The following SMPD3 variants were observed in gnomAD, a reference collection of about 807,000 sequenced individuals.
SMPD3 encodes the protein sphingomyelin phosphodiesterase 3, also known as nSMase-2.
A neutral mutation model predicts 55.7 loss-of-function variants in SMPD3; 21 were observed. The ratio of observed to expected loss-of-function variants is 0.38; its 90% CI spans 0.27 to 0.54. The LOEUF is 0.54. Among genes scored for constraint, SMPD3 ranks in the 20% least tolerant of loss-of-function variants. SMPD3 has a pLI of 0.80. For synonymous variants in SMPD3, 457 were observed against 404.3 expected (o/e 1.13, Z -1.56); for missense variants, 842 against 899.6 (o/e 0.94, Z 0.82).
chr16:68,386,179 A>G (rs1436427920), intron 2 of SMPD3, among the ~76,000 whole-genome samples: 4 of 151,206 alleles, frequency 2.6e-5, no homozygotes, highest in Non-Finnish European at 5.9e-5. Context: ...CTGAGATTGC[A>G]CCACTGCACT....
chr16:68,397,284 G>C (rs1345971911), intron 1 of SMPD3, among the ~76,000 whole-genome samples: 2 of 152,206 alleles, frequency 1.3e-5, no homozygotes, highest in Non-Finnish European at 2.9e-5. Flanking sequence ...TGTCCCAGAG[G>C]GATTCAAGGT....
At chr16:68,382,975 T>C (rs1310217974) in intron 2 of SMPD3, among the ~76,000 whole-genome samples, 1 of 152,108 alleles carries the variant, frequency 6.6e-6, no homozygotes, top group Non-Finnish European at 1.5e-5. Flanking sequence ...CTCCCGAGTA[T>C]CTGGGATTAC....
chr16:68,403,170 A>T (rs2090226157), intron 1 of SMPD3, among the ~76,000 whole-genome samples: 1 of 152,252 alleles, frequency 6.6e-6, no homozygotes, highest in Admixed American at 6.5e-5. Flanking sequence ...ACCATCCCGT[A>T]CAAATAATGC....
At position 68,417,052 on chromosome 16, in the gene SMPD3, T is replaced by A. The variant is rs549964481; in HGVS notation, c.-268-30393A>T. Among the ~76,000 whole-genome samples, 9 of 152,202 alleles carry A rather than the reference T, an allele frequency of 5.9e-5. No homozygotes were observed. The East Asian group carries it at 1.5e-3, about 26-fold the overall frequency. On this transcript the variant is annotated intron_variant, in intron 1 of 8. Coordinates refer to ENST00000219334, the MANE Select transcript of SMPD3 (RefSeq NM_018667.4). ...ACCCATCCCCTGGGTACTGGGGACA[T>A]CTCACAGCTGTGTCCCTCCCTAGGC...
Position 68,430,298 on chromosome 16 carries a change from C to T in SMPD3, c.-269+18055G>A, listed in dbSNP as rs151152875. 2.0e-4 allele frequency among the ~76,000 whole-genome samples: 30 copies of T among 152,270 alleles called. No individual in the cohort carries two copies. In the East Asian group the frequency reaches 3.7e-3, roughly 19 times the overall value. Reference sequence around the variant, plus strand: ...ACACAGGCCTTAGAAAAGCCCACCACGGTGCCCCTCTGTGAATACTGGGTG... The same window carrying T: ...ACACAGGCCTTAGAAAAGCCCACCATGGTGCCCCTCTGTGAATACTGGGTG... On this transcript the variant is annotated intron_variant, in intron 1 of 8. Transcript: ENST00000219334.
chr16:68,359,262 G>A lies in SMPD3; in HGVS notation c.*1944C>T, dbSNP rs898399603. The A allele has an allele frequency of 6.6e-6, 1 of 152,544 alleles. No homozygotes were observed. The highest frequency in any genetic ancestry group is 2.4e-5 in the African/African-American group (1 of 41,470). The allele number at this position is 152,544 out of a possible 1,614,324, so 9.4% of individuals were successfully genotyped here. On this transcript the variant is annotated 3_prime_UTR_variant, in exon 9 of 9. Coordinates refer to ENST00000219334, the MANE Select transcript of SMPD3 (RefSeq NM_018667.4). ...TGTGAGCAGAGTACCAGCTGCTTCTGGAAGTTGGGGGCCTCCACATCATGA... is the reference window on the plus strand; with the variant it reads ...TGTGAGCAGAGTACCAGCTGCTTCTAGAAGTTGGGGGCCTCCACATCATGA...
At chr16:68,428,105 T>A (rs1020116924) in intron 1 of SMPD3, among the ~76,000 whole-genome samples, 9 of 152,120 alleles carry the variant, frequency 5.9e-5, no homozygotes, top group African/African-American at 2.2e-4. Context: ...CTTTGGAGTG[T>A]CTGAGCAGCC....
chr16:68,387,483 G>A (rs376671670), intron 1 of SMPD3, among the ~76,000 whole-genome samples: 3 of 152,042 alleles, frequency 2.0e-5, no homozygotes, highest in Non-Finnish European at 4.4e-5. Flanking sequence ...CACTAGTCCC[G>A]CCCCTGGCCT....
At chr16:68,382,542 G>A (rs2089971230) in intron 2 of SMPD3, among the ~76,000 whole-genome samples, 1 of 152,252 alleles carries the variant, frequency 6.6e-6, no homozygotes, top group African/African-American at 2.4e-5. Flanking sequence ...GTGTCCCCGA[G>A]GGAGGGTGTG....
intron 1 of SMPD3, among the ~76,000 whole-genome samples, chr16:68,390,141 T>C (rs1325553959): frequency 2.0e-5 from 3 of 152,266 alleles, no homozygotes; most frequent in Non-Finnish European, 4.4e-5. Flanking sequence ...TTCTGGAACA[T>C]TGCCCTGGCA....
At chr16:68,419,812 C>T (rs2090374758) in intron 1 of SMPD3, among the ~76,000 whole-genome samples, 1 of 152,114 alleles carries the variant, frequency 6.6e-6, no homozygotes, top group East Asian at 1.9e-4. Context: ...AAGGCAGCAT[C>T]AGAGAGTGGG....
chr16:68,361,505 T>TG lies in SMPD3; in HGVS notation c.1866+97dup, dbSNP rs1465938303. 3.3e-6 allele frequency: 5 copies of TG among 1,523,224 alleles called. No homozygotes were observed. In the African/African-American group the frequency reaches 4.1e-5, roughly 13 times the overall value. The allele number at this position is 1,523,224 out of a possible 1,614,324, so 94.4% of individuals were successfully genotyped here. A position where few individuals can be genotyped will look rare whatever the true frequency, so the allele number is the denominator to read the frequency against. On this transcript the variant is annotated intron_variant, in intron 8 of 8. Coordinates refer to ENST00000219334, the MANE Select transcript of SMPD3 (RefSeq NM_018667.4). ...GATGGGTATCATTGTAAGAGTGGCC[T>TG]GGGGCGTGGGGTTTCAGGGAGCGGC...
intron 1 of SMPD3, among the ~76,000 whole-genome samples, chr16:68,415,936 A>C (rs748816461): frequency 6.6e-6 from 1 of 152,206 alleles, no homozygotes; most frequent in East Asian, 1.9e-4. Flanking sequence ...TTGCCCCCAG[A>C]TGTGTCCAAC....
At chr16:68,378,108 G>C (rs1184801240) in intron 2 of SMPD3, among the ~76,000 whole-genome samples, 3 of 152,190 alleles carry the variant, frequency 2.0e-5, no homozygotes, top group South Asian at 4.1e-4. Flanking sequence ...GGCCTCCTCT[G>C]AGTCCCTGCC....
Position 68,363,763 on chromosome 16 carries a change from C to T in SMPD3, c.1645+14G>A. The T allele has an allele frequency of 6.4e-7, 1 of 1,556,110 alleles. No individual in the cohort carries two copies. The highest frequency in any genetic ancestry group is 8.7e-7 in the Non-Finnish European group (1 of 1,150,750). On this transcript the variant is annotated intron_variant, in intron 6 of 8. Transcript: ENST00000219334. Reference sequence around the variant, plus strand: ...GAGCCCAGCTCCCATCCTCCTCCCCCAGCCCCAGCTCACCGATGGCCCACG... The same window carrying T: ...GAGCCCAGCTCCCATCCTCCTCCCCTAGCCCCAGCTCACCGATGGCCCACG...
In SMPD3 at chr16:68,372,196, C is replaced by T. The variant is rs776637169; in HGVS notation, c.-15G>A. The T allele has an allele frequency of 9.3e-6, 15 of 1,607,622 alleles. No individual in the cohort carries two copies. The highest frequency in any genetic ancestry group is 1.7e-4 in the Middle Eastern group (1 of 6,002). ...TACAAAACCATCGCAGCTCACTGGG[C>T]GCCGCAGCCGGCCCTACTACATGGT... On this transcript the variant is annotated 5_prime_UTR_variant, in exon 3 of 9. Coordinates refer to ENST00000219334, the MANE Select transcript of SMPD3 (RefSeq NM_018667.4).
intron 1 of SMPD3, among the ~76,000 whole-genome samples, chr16:68,411,999 C>T (rs763372875): frequency 3.9e-5 from 6 of 151,986 alleles, no homozygotes; most frequent in Non-Finnish European, 7.4e-5. Flanking sequence ...GGCCAGCATG[C>T]CTGGAACAGA....
rs1003621863 is a variant in SMPD3, at chr16:68,371,316, G to A, written c.866C>T (p.Ser289Leu). The change falls in exon 3 of 9, where the codon TCA becomes TTA. Residue 289 changes from serine to leucine, a missense_variant. Ser to Leu is a moderately radical substitution (Grantham distance 145). Transcript: ENST00000219334. The stretch of plus-strand genomic sequence containing the variant: ...GGCCGAGGGGCTGCCCAGGCTCCCT[G>A]AATCCCCGTCCTGCTGATTATGGTT... ...TPNHNQQDGD[S>L]GSLGSPSASR... 4 of 1,598,696 alleles carry A rather than the reference G, an allele frequency of 2.5e-6. No homozygotes were observed. The highest frequency in any genetic ancestry group is 3.4e-6 in the Non-Finnish European group (4 of 1,178,800).
chr16:68,362,576 G>A (rs1207322131), intron 7 of SMPD3, among the ~76,000 whole-genome samples: 2 of 152,256 alleles, frequency 1.3e-5, no homozygotes, highest in Non-Finnish European at 2.9e-5. Flanking sequence ...GGGATGGCAA[G>A]TGCAGTGGTG....
Sources: allele counts gnomAD v4.1 joint callset (sites outside exome capture counted in the v4.1 genomes callset), GRCh38; gene constraint gnomAD v4.1.1; transcripts MANE v1.5; gene names NCBI Gene and HGNC (gene_info 2026-07-23, HGNC 2026-07-21).